Variants in ANK2 observed in about 807,000 individuals in gnomAD.
The protein encoded by ANK2 is ankyrin-2.
ANK2 carries 83 observed loss-of-function variants against 360.5 expected under a neutral mutation model. The observed-to-expected ratio is 0.23, with a 90% CI of 0.19 to 0.28. ANK2 has a LOEUF of 0.28. Ranked by LOEUF, ANK2 falls within the 10% of genes least tolerant of loss-of-function variation. ANK2 has a pLI of 1.00. For synonymous variants in ANK2, 1,740 were observed against 1,759.5 expected, an observed-to-expected ratio of 0.99 and a Z score of 0.28; for missense variants, 4,201 against 4,795.7, an observed-to-expected ratio of 0.88 and a Z score of 3.66.
chr4:113,219,434 G>A (rs117109491), intron 4 of ANK2, among the ~76,000 whole-genome samples: 4,223 of 151,688 alleles, frequency 0.028, 96 homozygotes, highest in East Asian at 0.068. Context: ...TATGTGATAT[G>A]GTGAGCAGCA....
the ANK2 span, among the ~76,000 whole-genome samples, chr4:112,730,636 C>CAAAA: frequency 2.0e-3 from 112 of 57,188 alleles, no homozygotes; most frequent in East Asian, 3.6e-3. Flanking sequence ...GACTCCATCT[C>CAAAA]AAAAAAAAAA....
chr4:113,247,332 T>G (rs899395087), intron 9 of ANK2, among the ~76,000 whole-genome samples: 2 of 152,172 alleles, frequency 1.3e-5, no homozygotes, highest in African/African-American at 4.8e-5. Context: ...CAGAAAATAT[T>G]CAAAATCTAA....
intron 45 of ANK2, among the ~76,000 whole-genome samples, chr4:113,373,811 G>T (rs1485720405): frequency 6.6e-6 from 1 of 152,206 alleles, no homozygotes; most frequent in Non-Finnish European, 1.5e-5. Context: ...GCACTGTGGT[G>T]CTTGTGCCTG....
chr4:113,367,577 C>G lies in ANK2; in HGVS notation c.11044C>G (p.Leu3682Val), dbSNP rs1260285381. 2 of 1,613,628 alleles carry G rather than the reference C, an allele frequency of 1.2e-6. No homozygotes were observed. The highest frequency in any genetic ancestry group is 1.3e-5 in the African/African-American group (1 of 74,794). The change falls in exon 42 of 46, where the codon CTT becomes GTT. Residue 3682 changes from leucine (L) to valine (V), a missense_variant. Leu to Val is a conservative substitution (Grantham distance 32). Transcript: ENST00000357077. ...TLDHSEGFSVLQEELCTAQHK... is the reference protein window; with the variant it reads ...TLDHSEGFSVVQEELCTAQHK... Reference sequence around the variant, plus strand: ...CATTCTGCCTTTAGGGTTCTCGGTACTTCAAGAGGAGTTATGCACTGCACA... The same window carrying G: ...CATTCTGCCTTTAGGGTTCTCGGTAGTTCAAGAGGAGTTATGCACTGCACA...
chr4:113,018,043 G>A (rs933936299), intron 2 of ANK2, among the ~76,000 whole-genome samples: 1 of 152,200 alleles, frequency 6.6e-6, no homozygotes, highest in African/African-American at 2.4e-5. Context: ...GGAATTCATC[G>A]CAATTTTTGA....
chr4:112,988,664 T>C (rs1400752628), intron 2 of ANK2, among the ~76,000 whole-genome samples: 1 of 152,234 alleles, frequency 6.6e-6, no homozygotes. Flanking sequence ...TTCTGTTAAA[T>C]AGTAACACCT....
Position 113,311,269 on chromosome 4 carries a change from A to G in ANK2, c.2563A>G (p.Thr855Ala), listed in dbSNP as rs2079818813. 2.5e-6 allele frequency: 4 copies of G among 1,614,154 alleles called. No homozygotes were observed. The highest frequency in any genetic ancestry group is 3.4e-6 in the Non-Finnish European group (4 of 1,180,026). ...VSDEEGDDTM[T>A]GDGGEYLRPE... ...ATTGTTTCAAGGTGATGACACAATG[A>G]CTGGTGATGGGGGAGAATACCTTAG... The change falls in exon 24 of 46, where the codon ACT becomes GCT. Residue 855 changes from threonine to alanine, a missense_variant. Coordinates refer to ENST00000357077, the MANE Select transcript of ANK2 (RefSeq NM_001148.6).
the ANK2 span, among the ~76,000 whole-genome samples, chr4:112,783,115 G>A: frequency 6.6e-6 from 1 of 151,868 alleles, no homozygotes; most frequent in African/African-American, 2.4e-5. Context: ...TCACTATGTT[G>A]GCCAGGCTGG....
At chr4:113,100,225 A>C (rs539515627) in intron 1 of ANK2, among the ~76,000 whole-genome samples, 1 of 152,136 alleles carries the variant, frequency 6.6e-6, no homozygotes, top group Non-Finnish European at 1.5e-5. Flanking sequence ...TGCAAAACAC[A>C]TATCTGATAA....
In ANK2 at chr4:113,292,531, T is replaced by G. The variant is rs1445605886; in HGVS notation, c.2376+17T>G. On this transcript the variant is annotated intron_variant, in intron 21 of 45. Coordinates refer to ENST00000357077, the MANE Select transcript of ANK2 (RefSeq NM_001148.6). ...ACCACTGCGGTAAGGCAGACGCCACTGCCCCTCACCACGCTTTCTTCTTTT... is the reference window on the plus strand; with the variant it reads ...ACCACTGCGGTAAGGCAGACGCCACGGCCCCTCACCACGCTTTCTTCTTTT... 6.3e-7 allele frequency: 1 copy of G among 1,585,212 alleles called. No homozygotes were observed. The highest frequency in any genetic ancestry group is 8.6e-7 in the Non-Finnish European group (1 of 1,161,330).
intron 2 of ANK2, among the ~76,000 whole-genome samples, chr4:112,990,687 G>A (rs2046438008): frequency 6.6e-6 from 1 of 152,152 alleles, no homozygotes; most frequent in South Asian, 2.1e-4. Flanking sequence ...CTCACTGCTT[G>A]TTCATGTAAA....
chr4:112,943,517 A>G (rs1263506667), intron 2 of ANK2, among the ~76,000 whole-genome samples: 1 of 152,006 alleles, frequency 6.6e-6, no homozygotes, highest in East Asian at 1.9e-4. Context: ...GTGATAGCGG[A>G]GGAAGCCTTG....
At chr4:112,754,890 A>C in the ANK2 span, among the ~76,000 whole-genome samples, 1 of 152,162 alleles carries the variant, frequency 6.6e-6, no homozygotes, top group Non-Finnish European at 1.5e-5. Context: ...GGTCACCCCT[A>C]GAAATAGAGA....
At chr4:113,159,191 C>CCACACACACACACACACACACA (rs57967546) in intron 1 of ANK2, among the ~76,000 whole-genome samples, 1 of 141,942 alleles carries the variant, frequency 7.0e-6, no homozygotes, top group Non-Finnish European at 1.5e-5. Flanking sequence ...CTCTTTCCTT[C>CCACACACACACACACACACACA]CACACACACA....
At chr4:112,927,736 A>G (rs778151996) in intron 2 of ANK2, among the ~76,000 whole-genome samples, 9 of 152,218 alleles carry the variant, frequency 5.9e-5, no homozygotes, top group Non-Finnish European at 1.0e-4. Flanking sequence ...CATTGCATTC[A>G]CTGGAGAAAC....
the ANK2 span, chr4:112,798,010 C>G: frequency 6.1e-6 from 1 of 165,058 alleles, no homozygotes; most frequent in Non-Finnish European, 1.4e-5. Context: ...TCCATCACTG[C>G]TATACCGTTC....
chr4:113,048,797 T>G (rs1432043159), upstream of ANK2, among the ~76,000 whole-genome samples: 2 of 151,950 alleles, frequency 1.3e-5, no homozygotes, highest in Non-Finnish European at 2.9e-5. Flanking sequence ...TGCAACTCCA[T>G]TAGTTTTTTA....
chr4:113,330,169 G>A (rs538109909), intron 26 of ANK2, 77 bp from the exon 27 acceptor site: 35 of 1,408,220 alleles, frequency 2.5e-5, no homozygotes, highest in South Asian at 1.1e-4. Flanking sequence ...AAAGCATTAC[G>A]AAAAACAACT....
At chr4:113,149,786 G>A (rs1216631361) in intron 1 of ANK2, among the ~76,000 whole-genome samples, 1 of 142,606 alleles carries the variant, frequency 7.0e-6, no homozygotes, top group Non-Finnish European at 1.5e-5. Flanking sequence ...TGAGGTGGGA[G>A]GATCACCTGA....
Sources: gnomAD v4.1 joint callset for allele counts (sites outside exome capture counted in the v4.1 genomes callset) on GRCh38, gnomAD v4.1.1 for gene constraint, MANE v1.5 for transcripts, NCBI Gene and HGNC (gene_info 2026-07-23, HGNC 2026-07-21) for gene names.